Variants in FSD1L observed in about 807,000 individuals in gnomAD.
FSD1L encodes FSD1-like protein.
Under a neutral mutation model 71.6 loss-of-function variants are expected in FSD1L, and 45 were observed. The observed-to-expected ratio is 0.63, with a 90% CI of 0.49 to 0.81. The LOEUF is 0.81. FSD1L is among the 30% of genes least tolerant of loss of function. The probability of loss-of-function intolerance (pLI) is 0.00; values close to 1 mark genes in which losing one functional copy is unlikely to be tolerated. For synonymous variants in FSD1L, 197 were observed against 207.2 expected (o/e 0.95, Z 0.42); for missense variants, 561 against 618.1 (o/e 0.91, Z 0.98).
chr9:105,447,878 A>C (rs780491274), upstream of FSD1L: 10 of 421,272 alleles, frequency 2.4e-5, no homozygotes, highest in Non-Finnish European at 4.2e-5. Flanking sequence ...CTATCGCTGG[A>C]GGAAAAAGGA....
At chr9:105,464,639 G>A (rs1049582332) in intron 3 of FSD1L, among the ~76,000 whole-genome samples, 5 of 152,100 alleles carry the variant, frequency 3.3e-5, no homozygotes, top group African/African-American at 1.2e-4. Context: ...TTTCAAAAGT[G>A]CTGGCAAGTA....
intron 1 of FSD1L, among the ~76,000 whole-genome samples, chr9:105,453,484 A>G (rs889077771): frequency 4.0e-5 from 6 of 151,180 alleles, no homozygotes; most frequent in Non-Finnish European, 7.4e-5. Context: ...TAAAATTACT[A>G]TTTTTATTTT....
chr9:105,445,089 C>T (rs1053318460), upstream of FSD1L, among the ~76,000 whole-genome samples: 2 of 152,172 alleles, frequency 1.3e-5, no homozygotes, highest in African/African-American at 2.4e-5. Context: ...AGGCAAAGGA[C>T]TTGCCTATAG....
chr9:105,509,739 T>A (rs1834288261), intron 9 of FSD1L, among the ~76,000 whole-genome samples: 1 of 152,224 alleles, frequency 6.6e-6, no homozygotes, highest in Admixed American at 6.5e-5. Context: ...TATCTTGAAG[T>A]AATTTGTTTG....
intron 5 of FSD1L, 77 bp from the exon 6 acceptor site, chr9:105,479,277 T>G (rs2131680869): frequency 7.6e-7 from 1 of 1,310,458 alleles, no homozygotes; most frequent in South Asian, 1.3e-5. Flanking sequence ...CTAACTTTTC[T>G]TGCATGTCAC....
At chr9:105,497,571 T>C (rs1271817058) in intron 7 of FSD1L, among the ~76,000 whole-genome samples, 1 of 152,216 alleles carries the variant, frequency 6.6e-6, no homozygotes, top group Non-Finnish European at 1.5e-5. Context: ...ATTGTCTGTT[T>C]TCCTTGTGGG....
chr9:105,477,019 T>A (rs1831850060), intron 5 of FSD1L, among the ~76,000 whole-genome samples: 1 of 152,214 alleles, frequency 6.6e-6, no homozygotes, highest in Non-Finnish European at 1.5e-5. Context: ...TCCTAGATTA[T>A]CTGGCTTTTC....
chr9:105,516,502 G>A (rs891766483), intron 10 of FSD1L, among the ~76,000 whole-genome samples: 4 of 152,178 alleles, frequency 2.6e-5, no homozygotes, highest in Admixed American at 2.0e-4. Flanking sequence ...AGAACAGGCA[G>A]CAGTCTTTGC....
intron 4 of FSD1L, among the ~76,000 whole-genome samples, chr9:105,471,695 T>TTA (rs968701854): frequency 3.2e-4 from 45 of 141,932 alleles, no homozygotes; most frequent in Non-Finnish European, 5.0e-4. Context: ...TTAAAATTTG[T>TTA]TATATATATA....
chr9:105,447,149 ACC>A (rs1829677400), upstream of FSD1L, among the ~76,000 whole-genome samples: 1 of 151,716 alleles, frequency 6.6e-6, no homozygotes, highest in Non-Finnish European at 1.5e-5. Flanking sequence ...CATGGCTAGA[ACC>A]AGTCTCCGCT....
chr9:105,520,945 A>G, intron 10 of FSD1L: 2 of 1,611,924 alleles, frequency 1.2e-6, no homozygotes, highest in South Asian at 1.1e-5. Flanking sequence ...AAGAACAAAG[A>G]AAACCAAGAA....
chr9:105,494,466 G>A (rs1327975554), intron 7 of FSD1L, among the ~76,000 whole-genome samples: 1 of 152,140 alleles, frequency 6.6e-6, no homozygotes, highest in African/African-American at 2.4e-5. Context: ...GTAGCTTGGA[G>A]TAGTTTGATC....
At chr9:105,545,629 A>G (rs955039072) in intron 13 of FSD1L, among the ~76,000 whole-genome samples, 10 of 151,834 alleles carry the variant, frequency 6.6e-5, no homozygotes, top group Non-Finnish European at 8.8e-5. Context: ...AGTTTTTAGC[A>G]TGAAGGGCTG....
chr9:105,445,772 C>T (rs550998656), upstream of FSD1L, among the ~76,000 whole-genome samples: 1 of 152,296 alleles, frequency 6.6e-6, no homozygotes, highest in Admixed American at 6.5e-5. Context: ...CAGCAGTGGG[C>T]TAATGGCTTG....
intron 10 of FSD1L, chr9:105,524,628 G>A: frequency 6.2e-7 from 1 of 1,613,892 alleles, no homozygotes; most frequent in South Asian, 1.1e-5. Context: ...TTTGGCATCT[G>A]TAGATTATGA....
At chr9:105,522,006 G>C in intron 10 of FSD1L, 3 of 1,613,294 alleles carry the variant, frequency 1.9e-6, no homozygotes, top group Non-Finnish European at 2.5e-6. Context: ...CATGCTGCTT[G>C]TGTTGCTCAG....
chr9:105,546,279 G>T, intron 13 of FSD1L, 79 bp from the exon 14 acceptor site: 1 of 1,340,374 alleles, frequency 7.5e-7, no homozygotes, highest in South Asian at 1.5e-5. Context: ...GTGGCATTTT[G>T]CCTTTGAAAT....
intron 1 of FSD1L, among the ~76,000 whole-genome samples, chr9:105,459,868 G>C (rs569743325): frequency 4.6e-5 from 7 of 152,326 alleles, no homozygotes; most frequent in African/African-American, 1.7e-4. Flanking sequence ...AAAGATTGCA[G>C]TGCGTCCTCT....
intron 10 of FSD1L, among the ~76,000 whole-genome samples, chr9:105,528,052 C>T (rs1835637314): frequency 6.6e-6 from 1 of 152,050 alleles, no homozygotes; most frequent in Admixed American, 6.6e-5. Context: ...ACAATTGCTA[C>T]AAAGAGAATA....
Sources: gnomAD v4.1 joint callset for allele counts (sites outside exome capture counted in the v4.1 genomes callset) on GRCh38, gnomAD v4.1.1 for gene constraint, MANE v1.5 for transcripts, NCBI Gene and HGNC (gene_info 2026-07-23, HGNC 2026-07-21) for gene names.